CDH18: variants seen among roughly 807,000 people sequenced by gnomAD.
CDH18 encodes cadherin-18.
A neutral mutation model predicts 67.9 loss-of-function variants in CDH18; 31 were observed. The ratio of observed to expected loss-of-function variants is 0.46; its 90% CI spans 0.34 to 0.62. CDH18 has a LOEUF of 0.62. Among genes scored for constraint, CDH18 ranks in the 20% least tolerant of loss-of-function variants. The pLI is 0.01. For synonymous variants in CDH18, 362 were observed against 347.2 expected (o/e 1.04, Z -0.48); for missense variants, 890 against 975.5 (o/e 0.91, Z 1.17).
At chr5:20,042,691 C>T (rs780036279) in intron 2 of CDH18, among the ~76,000 whole-genome samples, 8 of 152,106 alleles carry the variant, frequency 5.3e-5, no homozygotes, top group South Asian at 4.1e-4. Context: ...GGGCCGGGTG[C>T]GGTGGCTCAC....
Position 19,579,690 on chromosome 5 carries a change from T to C in CDH18, c.1000-7858A>G, listed in dbSNP as rs562755701. The stretch of plus-strand genomic sequence containing the variant: ...ATATTTTTTCATTCTTAGTTATTAC[T>C]AATAAATTTTTTTTAAACTTACAAT... On this transcript the variant is annotated intron_variant, in intron 7 of 12. Coordinates refer to ENST00000382275, the MANE Select transcript of CDH18 (RefSeq NM_004934.5). Among the ~76,000 whole-genome samples, 10 of 151,946 alleles carry C rather than the reference T, an allele frequency of 6.6e-5. 1 individual carries two copies. In the South Asian group the frequency reaches 2.1e-3, roughly 31 times the overall value.
intron 2 of CDH18, among the ~76,000 whole-genome samples, chr5:20,050,617 T>G (rs1741335444): frequency 6.6e-6 from 1 of 151,902 alleles, no homozygotes; most frequent in African/African-American, 2.4e-5. Context: ...GACTATTTTT[T>G]CCATGTATAA....
chr5:20,176,305 C>CA (rs1436508080), intron 2 of CDH18, among the ~76,000 whole-genome samples: 1 of 152,134 alleles, frequency 6.6e-6, no homozygotes, highest in African/African-American at 2.4e-5. Context: ...GACTAGTTTT[C>CA]AAAATAGTTC....
chr5:20,446,920 C>T (rs917411797), intron 1 of CDH18, among the ~76,000 whole-genome samples: 2 of 152,128 alleles, frequency 1.3e-5, no homozygotes, highest in Admixed American at 6.5e-5. Context: ...GTTTTATATA[C>T]CACCTTTAGA....
At chr5:19,707,673 C>A (rs1398975781) in intron 5 of CDH18, among the ~76,000 whole-genome samples, 1 of 152,186 alleles carries the variant, frequency 6.6e-6, no homozygotes, top group African/African-American at 2.4e-5. Context: ...GATGTAATCA[C>A]TCTATGACAC....
intron 3 of CDH18, among the ~76,000 whole-genome samples, chr5:19,777,558 C>A (rs768071307): frequency 6.6e-6 from 1 of 152,080 alleles, no homozygotes; most frequent in African/African-American, 2.4e-5. Flanking sequence ...TCAGGCACTA[C>A]GTTTGAAAAA....
intron 1 of CDH18, among the ~76,000 whole-genome samples, chr5:20,419,766 C>T (rs368301488): frequency 7.3e-5 from 11 of 150,822 alleles, no homozygotes; most frequent in Admixed American, 6.6e-5. Context: ...CGTGAGCCGC[C>T]GCGCCTGTCC....
At chr5:20,277,137 C>T (rs1373422679) in intron 1 of CDH18, among the ~76,000 whole-genome samples, 1 of 152,054 alleles carries the variant, frequency 6.6e-6, no homozygotes, top group Non-Finnish European at 1.5e-5. Flanking sequence ...GTTTTTAGAG[C>T]CCTAGGTCCT....
intron 2 of CDH18, among the ~76,000 whole-genome samples, chr5:20,235,862 A>G (rs747917017): frequency 3.9e-5 from 6 of 152,208 alleles, no homozygotes; most frequent in Non-Finnish European, 5.9e-5. Flanking sequence ...TAGCAAATCA[A>G]TGGTGCACTG....
chr5:19,571,865 A>G, intron 7 of CDH18, 33 bp from the exon 8 acceptor site: 1 of 1,542,100 alleles, frequency 6.5e-7, no homozygotes, highest in Non-Finnish European at 8.8e-7. Context: ...TATGACTTTT[A>G]TAAAAAAAGT....
At chr5:19,684,689 A>G (rs1280974906) in intron 5 of CDH18, among the ~76,000 whole-genome samples, 1 of 151,952 alleles carries the variant, frequency 6.6e-6, no homozygotes, top group Non-Finnish European at 1.5e-5. Flanking sequence ...GTAATTTGGA[A>G]TTGGATATAT....
chr5:19,651,710 A>G (rs1417069763), intron 5 of CDH18, among the ~76,000 whole-genome samples: 18 of 152,116 alleles, frequency 1.2e-4, no homozygotes, highest in Admixed American at 1.2e-3. Context: ...ATTAACCTGC[A>G]TTTCTGTTTT....
chr5:20,515,634 T>C (rs1194873698), intron 1 of CDH18, among the ~76,000 whole-genome samples: 2 of 152,136 alleles, frequency 1.3e-5, no homozygotes, highest in Non-Finnish European at 1.5e-5. Flanking sequence ...GTTAATTCAA[T>C]GTGTCTAAGA....
Position 19,839,073 on chromosome 5 carries a change from C to T in CDH18, c.-87G>A, listed in dbSNP as rs1402803488. 2 of 1,010,484 alleles carry T rather than the reference C, an allele frequency of 2.0e-6. No homozygotes were observed. The highest frequency in any genetic ancestry group is 4.9e-5 in the East Asian group (2 of 40,818). 62.6% of individuals were successfully genotyped at this position (1,010,484 alleles called of 1,614,324 possible). ...TGAGCATTCAAGAGAGAAGCCAGAG[C>T]ATCTTTAGGAAGGACAGTCCAAAGT... On this transcript the variant is annotated 5_prime_UTR_variant, in exon 3 of 13. The change abolishes an upstream ATG in the 5' untranslated region. Coordinates refer to ENST00000382275, the MANE Select transcript of CDH18 (RefSeq NM_004934.5).
At chr5:20,324,899 G>C (rs558344850) in intron 1 of CDH18, among the ~76,000 whole-genome samples, 3 of 152,278 alleles carry the variant, frequency 2.0e-5, no homozygotes, top group East Asian at 3.9e-4. Flanking sequence ...AGAATCAGTT[G>C]TAACATCTTA....
At chr5:20,047,200 AACT>A (rs1740982553) in intron 2 of CDH18, among the ~76,000 whole-genome samples, 1 of 151,822 alleles carries the variant, frequency 6.6e-6, no homozygotes, top group South Asian at 2.1e-4. Context: ...AATTGGGTTC[AACT>A]ACTGAAACAA....
At chr5:20,540,115 T>C (rs1756970726) in intron 1 of CDH18, among the ~76,000 whole-genome samples, 1 of 152,148 alleles carries the variant, frequency 6.6e-6, no homozygotes, top group Non-Finnish European at 1.5e-5. Flanking sequence ...TTGACTATAT[T>C]ATGTGGTGGA....
intron 1 of CDH18, among the ~76,000 whole-genome samples, chr5:20,541,872 A>G (rs548531672): frequency 1.3e-5 from 2 of 152,234 alleles, no homozygotes; most frequent in East Asian, 1.9e-4. Flanking sequence ...TATAGTTTCA[A>G]CTCCTAGGTT....
At position 20,418,242 on chromosome 5, in the gene CDH18, A is replaced by ATTTTTTTTTTTTTTTTTT. The variant is rs58308147; in HGVS notation, c.-580+157202_-580+157219dup. ...AGGTGTCTGCCACCACTGCTGGCTAATTTTTTTTTTTTTTTTTTTTTTTTG... is the reference window on the plus strand; with the variant it reads ...AGGTGTCTGCCACCACTGCTGGCTAATTTTTTTTTTTTTTTTTTTTTTTTTTTTTTTTTTTTTTTTTTG... On this transcript the variant is annotated intron_variant, in intron 1 of 14. Coordinates refer to the CDH18 transcript ENST00000507958. 5.3e-3 allele frequency among the ~76,000 whole-genome samples: 299 copies of ATTTTTTTTTTTTTTTTTT among 56,904 alleles called. 35 individuals are homozygous for ATTTTTTTTTTTTTTTTTT. The highest frequency in any genetic ancestry group is 7.9e-3 in the African/African-American group (95 of 12,046). 37.3% of individuals were successfully genotyped at this position (56,904 alleles called of 152,430 possible).
Sources: gnomAD v4.1 joint callset for allele counts (sites outside exome capture counted in the v4.1 genomes callset) on GRCh38, gnomAD v4.1.1 for gene constraint, MANE v1.5 for transcripts, NCBI Gene and HGNC (gene_info 2026-07-23, HGNC 2026-07-21) for gene names.